The following SNRPN variants were observed in gnomAD, a reference collection of about 807,000 sequenced individuals.
SNRPN encodes small nuclear ribonucleoprotein-associated protein N.
A neutral mutation model predicts 25.2 loss-of-function variants in SNRPN; 7 were observed. That is an observed-to-expected ratio of 0.28 (90% CI 0.16 to 0.52). The LOEUF is 0.52. Ranked by LOEUF, SNRPN falls within the 20% of genes least tolerant of loss-of-function variation. SNRPN has a pLI of 0.96. For missense variants in SNRPN, 196 were observed against 322.5 expected (o/e 0.61, Z 3.00); for synonymous variants, 124 against 110.6 (o/e 1.12, Z -0.76).
intron 3 of SNRPN, chr15:24,968,351 T>TA: frequency 3.7e-6 from 1 of 271,436 alleles, no homozygotes; most frequent in Non-Finnish European, 7.2e-6. Context: ...TATTTCACTA[T>TA]AAATGGCTCT....
chr15:24,939,653 G>A lies in SNRPN; in HGVS notation c.-391+19529G>A, dbSNP rs138750226. 6.6e-3 allele frequency among the ~76,000 whole-genome samples: 1,003 copies of A among 151,902 alleles called. 16 individuals carry two copies. The highest frequency in any genetic ancestry group is 0.023 in the African/African-American group (959 of 41,440). On this transcript the variant is annotated intron_variant, in intron 3 of 11. Transcript: ENST00000400097. ...TCACCGTGTTAACCACGCTGGTCTC[G>A]AACTCCTGACTTCGAATGATCCACC...
chr15:24,922,037 TAAAAAAA>T (rs67089476), intron 3 of SNRPN, among the ~76,000 whole-genome samples: 3 of 94,416 alleles, frequency 3.2e-5, no homozygotes, highest in Non-Finnish European at 4.2e-5. Context: ...CCGTCTCTAC[TAAAAAAA>T]AAAAAAAAAA....
At chr15:24,909,599 A>G in intron 2 of SNRPN, 1 of 1,241,100 alleles carries the variant, frequency 8.1e-7, no homozygotes, top group South Asian at 1.2e-5. Context: ...TGCTGTGCAG[A>G]CTATCATATC....
chr15:24,895,655 A>T (rs1038981297), intron 2 of SNRPN, among the ~76,000 whole-genome samples: 1 of 152,156 alleles, frequency 6.6e-6, no homozygotes, highest in African/African-American at 2.4e-5. Flanking sequence ...AACAGTATAA[A>T]CAAGACACCT....
chr15:24,927,746 T>A (rs917128017), intron 3 of SNRPN, among the ~76,000 whole-genome samples: 4 of 152,146 alleles, frequency 2.6e-5, no homozygotes, highest in African/African-American at 9.7e-5. Flanking sequence ...ACTAAGTATC[T>A]TATCAGTCTG....
chr15:24,828,749 T>G (rs1036451100), intron 1 of SNRPN, among the ~76,000 whole-genome samples: 1 of 151,878 alleles, frequency 6.6e-6, no homozygotes, highest in African/African-American at 2.4e-5. Context: ...ACTAAATAAG[T>G]GTTTGAAAAT....
chr15:24,832,279 A>G (rs1051493003), intron 2 of SNRPN, among the ~76,000 whole-genome samples: 3 of 147,814 alleles, frequency 2.0e-5, no homozygotes, highest in African/African-American at 7.3e-5. Flanking sequence ...TATACAAGAT[A>G]TAACGGGGAC....
chr15:24,885,716 C>CTGTGTGTGTGTGTGTGTGTGTG, intron 1 of SNRPN, among the ~76,000 whole-genome samples: 1 of 141,732 alleles, frequency 7.1e-6, no homozygotes, highest in Non-Finnish European at 1.5e-5. Context: ...GAATCTGGGG[C>CTGTGTGTGTGTGTGTGTGTGTG]TGTGTGTGTG....
At chr15:24,913,460 T>G (rs1292271614) in intron 2 of SNRPN, among the ~76,000 whole-genome samples, 2 of 151,988 alleles carry the variant, frequency 1.3e-5, no homozygotes, top group Admixed American at 1.3e-4. Context: ...CTGGCCAACA[T>G]GGTGAAAGAC....
At chr15:24,954,978 G>A (rs368916889), upstream of SNRPN, 307 of 1,604,642 alleles carry the variant, frequency 1.9e-4, no homozygotes, top group Admixed American at 4.6e-4. Context: ...CTGCTGCAGC[G>A]AGTCTGGCGC....
At chr15:24,944,130 G>A (rs2061737604) in intron 3 of SNRPN, among the ~76,000 whole-genome samples, 1 of 152,150 alleles carries the variant, frequency 6.6e-6, no homozygotes. Flanking sequence ...CTGCATCATT[G>A]GTTCTTGCAG....
Position 24,975,398 on chromosome 15 carries a change from A to G in SNRPN, c.44A>G (p.Tyr15Cys), listed in dbSNP as rs2076951943. 1.2e-6 allele frequency: 2 copies of G among 1,613,538 alleles called. No individual in the cohort carries two copies. The highest frequency in any genetic ancestry group is 1.7e-6 in the Non-Finnish European group (2 of 1,179,482). Residue 15 changes from tyrosine to cysteine, a missense_variant, in exon 5 of 10, where the codon TAT becomes TGT. By Grantham distance (194) the Tyr-to-Cys change is radical (BLOSUM62 -2). Coordinates refer to ENST00000390687, the MANE Select transcript of SNRPN (RefSeq NM_003097.6). ...AGCAAGATGCTGCAGCACATTGACT[A>G]TAGAATGAGATGTATCCTGCAAGAT... ...KSSKMLQHID[Y>C]RMRCILQDGR... is the part of the protein sequence containing the mutation.
At chr15:24,945,144 A>G (rs1000284243) in intron 3 of SNRPN, among the ~76,000 whole-genome samples, 16 of 152,170 alleles carry the variant, frequency 1.1e-4, no homozygotes, top group Admixed American at 9.8e-4. Context: ...TGTGGGTCAT[A>G]TGGTTTATGT....
intron 2 of SNRPN, among the ~76,000 whole-genome samples, chr15:24,834,135 A>G (rs2050799758): frequency 6.6e-6 from 1 of 152,086 alleles, no homozygotes; most frequent in Non-Finnish European, 1.5e-5. Context: ...CATGTTGGTC[A>G]GGCTTGTCTC....
At chr15:24,867,938 CATTAT>C (rs1339410944) in intron 1 of SNRPN, among the ~76,000 whole-genome samples, 1 of 151,950 alleles carries the variant, frequency 6.6e-6, no homozygotes, top group Non-Finnish European at 1.5e-5. Context: ...CTTAGCATAT[CATTAT>C]ATTTTCTTTT....
chr15:24,948,025 C>T (rs956156659), intron 3 of SNRPN, among the ~76,000 whole-genome samples: 1 of 151,912 alleles, frequency 6.6e-6, no homozygotes, highest in Non-Finnish European at 1.5e-5. Flanking sequence ...TATACATGTG[C>T]CATGCTGTAG....
At chr15:24,971,289 G>A (rs1408662588) in intron 3 of SNRPN, among the ~76,000 whole-genome samples, 2 of 152,052 alleles carry the variant, frequency 1.3e-5, no homozygotes, top group Non-Finnish European at 2.9e-5. Flanking sequence ...TGCTACTCTC[G>A]TCGCCTTTCT....
intron 1 of SNRPN, among the ~76,000 whole-genome samples, chr15:24,885,952 C>T (rs1169639143): frequency 1.3e-5 from 2 of 152,122 alleles, no homozygotes; most frequent in East Asian, 3.9e-4. Flanking sequence ...CCTCATGGAT[C>T]CAGCATCCGT....
intron 1 of SNRPN, among the ~76,000 whole-genome samples, chr15:24,871,135 G>A (rs80133196): frequency 0.011 from 1,671 of 151,924 alleles, 30 homozygotes; most frequent in African/African-American, 0.038. Flanking sequence ...CACCCACCTC[G>A]GTCTCCCAAG....
Sources: gnomAD v4.1 joint callset for allele counts (sites outside exome capture counted in the v4.1 genomes callset) on GRCh38, gnomAD v4.1.1 for gene constraint, MANE v1.5 for transcripts, NCBI Gene and HGNC (gene_info 2026-07-23, HGNC 2026-07-21) for gene names.